NPAS2: variants seen among roughly 807,000 people sequenced by gnomAD.
The protein encoded by NPAS2 is neuronal PAS domain-containing protein 2.
NPAS2 carries 23 observed loss-of-function variants against 107.5 expected under a neutral mutation model. The ratio of observed to expected loss-of-function variants is 0.21; its 90% CI spans 0.15 to 0.30. The LOEUF is 0.30. NPAS2 is among the 10% of genes least tolerant of loss of function. The pLI, the probability that NPAS2 is intolerant of heterozygous loss-of-function variation, is 1.00. For synonymous variants in NPAS2, 403 were observed against 417.5 expected (o/e 0.97, Z 0.42); for missense variants, 756 against 1,043.3 (o/e 0.72, Z 3.79).
rs556139624 is a variant in NPAS2, at chr2:100,863,809, A to G, written c.-22-40924A>G. ...TGAGCTCTAATGTATATATGTATAT[A>G]ATTTATATAGCCCTCCTTGCATTCC... is the stretch of plus-strand genomic sequence containing the variant. On this transcript the variant is annotated intron_variant, in intron 1 of 20. Transcript: ENST00000335681. Among the ~76,000 whole-genome samples the G allele has an allele frequency of 2.0e-5, 3 of 152,202 alleles. No homozygotes were observed. The South Asian group carries it at 6.2e-4, about 32-fold the overall frequency.
chr2:100,829,483 A>G (rs1021297643), intron 1 of NPAS2, among the ~76,000 whole-genome samples: 2 of 152,174 alleles, frequency 1.3e-5, no homozygotes, highest in Non-Finnish European at 2.9e-5. Flanking sequence ...TAGAAATGCT[A>G]CTAATTTTTG....
At chr2:100,887,822 C>A (rs114806996) in intron 1 of NPAS2, among the ~76,000 whole-genome samples, 1 of 152,126 alleles carries the variant, frequency 6.6e-6, no homozygotes, top group Non-Finnish European at 1.5e-5. Context: ...GTGCCGGCAC[C>A]GCCCCTCTCC....
intron 3 of NPAS2, among the ~76,000 whole-genome samples, chr2:100,926,983 G>T (rs1243342242): frequency 2.3e-5 from 3 of 131,220 alleles, no homozygotes; most frequent in Admixed American, 1.8e-4. Flanking sequence ...CTGTCACCAA[G>T]ACTGGAGTGC....
At chr2:100,959,754 C>A (rs1376827063) in intron 7 of NPAS2, among the ~76,000 whole-genome samples, 1 of 152,180 alleles carries the variant, frequency 6.6e-6, no homozygotes, top group Admixed American at 6.5e-5. Flanking sequence ...GCCGAGAAAG[C>A]TATTTGTCAC....
At chr2:100,930,652 A>G (rs1683878767) in intron 3 of NPAS2, among the ~76,000 whole-genome samples, 1 of 152,122 alleles carries the variant, frequency 6.6e-6, no homozygotes, top group Non-Finnish European at 1.5e-5. Flanking sequence ...AATGAACCTT[A>G]ACTTCCAAGG....
chr2:100,821,166 C>G (rs1441181256), intron 1 of NPAS2: 9 of 1,304,690 alleles, frequency 6.9e-6, no homozygotes, highest in Non-Finnish European at 9.1e-6. Flanking sequence ...GAACCAGTCC[C>G]GCTCCTCTGC....
At chr2:100,835,418 G>C (rs965596871) in intron 1 of NPAS2, among the ~76,000 whole-genome samples, 14 of 152,182 alleles carry the variant, frequency 9.2e-5, no homozygotes, top group Non-Finnish European at 1.6e-4. Context: ...CTGTGCGGCG[G>C]CTGGGTGCAT....
At chr2:100,944,478 G>A (rs144630926) in intron 5 of NPAS2, among the ~76,000 whole-genome samples, 1 of 152,206 alleles carries the variant, frequency 6.6e-6, no homozygotes, top group East Asian at 1.9e-4. Context: ...CGTGGGACTC[G>A]GCTGTAAAGA....
intron 7 of NPAS2, among the ~76,000 whole-genome samples, chr2:100,959,441 T>C (rs1286298324): frequency 6.6e-6 from 1 of 152,162 alleles, no homozygotes; most frequent in Admixed American, 6.5e-5. Flanking sequence ...TGGGCAGGAT[T>C]ATCACGGTGC....
chr2:100,875,355 T>C (rs1408666357), intron 1 of NPAS2, among the ~76,000 whole-genome samples: 1 of 152,184 alleles, frequency 6.6e-6, no homozygotes, highest in African/African-American at 2.4e-5. Context: ...GCAAATGGAC[T>C]TAATGCCATT....
At position 100,925,245 on chromosome 2, in the gene NPAS2, C is replaced by T; in HGVS notation, c.132C>T (p.Asp44=). The change falls in exon 3 of 21, where the codon GAC becomes GAT. Residue 44 remains aspartate (D), a synonymous_variant. Coordinates refer to ENST00000335681, the MANE Select transcript of NPAS2 (RefSeq NM_002518.4). ...TCCCTGGCAACACGCGGAAAATGGA[C>T]AAAACCACCGTGTTGGAAAAGGTCA... ...SMLPGNTRKM[D]KTTVLEKVIG... 6.2e-7 allele frequency: 1 copy of T among 1,614,084 alleles called. No homozygotes were observed. The highest frequency in any genetic ancestry group is 8.5e-7 in the Non-Finnish European group (1 of 1,180,024).
chr2:100,886,473 C>T (rs1445142334), intron 1 of NPAS2, among the ~76,000 whole-genome samples: 3 of 152,062 alleles, frequency 2.0e-5, no homozygotes, highest in Non-Finnish European at 2.9e-5. Context: ...TTAAATATGC[C>T]TTTGGAGTTG....
chr2:100,946,703 G>T (rs1674918655), intron 5 of NPAS2, among the ~76,000 whole-genome samples: 1 of 152,190 alleles, frequency 6.6e-6, no homozygotes, highest in Non-Finnish European at 1.5e-5. Context: ...AATTGCACAG[G>T]CACTAAAGTG....
intron 1 of NPAS2, among the ~76,000 whole-genome samples, chr2:100,837,404 G>A (rs1187765833): frequency 4.6e-5 from 7 of 152,136 alleles, no homozygotes; most frequent in Non-Finnish European, 2.9e-5. Flanking sequence ...TGCCTTCTGG[G>A]TTCCAGCTAT....
Position 100,995,579 on chromosome 2 carries a change from A to T in NPAS2, c.2472A>T (p.Arg824=). 1 of 1,604,548 alleles carries T rather than the reference A, an allele frequency of 6.2e-7. No homozygotes were observed. Among genetic ancestry groups the T allele is most frequent in the South Asian group, 1.1e-5 (1 of 90,096 alleles). The change falls in exon 21 of 21, where the codon CGA becomes CGT. Residue 824 remains arginine, a synonymous_variant. Coordinates refer to ENST00000335681, the MANE Select transcript of NPAS2 (RefSeq NM_002518.4). ...CGTCAGGCCTCCAGCAGCCGCCCCG[A>T]TAATGCCCCGGCACTGAAGTCGGGA... ...SESSGLQQPP[R]
At chr2:100,990,978 A>G (rs1678085366) in intron 19 of NPAS2, 106 bp downstream of exon 19, 1 of 902,798 alleles carries the variant, frequency 1.1e-6, no homozygotes, top group South Asian at 1.4e-5. Flanking sequence ...GCCTTGCGCT[A>G]AAGGCAAGGT....
intron 1 of NPAS2, among the ~76,000 whole-genome samples, chr2:100,895,757 G>A (rs956426561): frequency 6.6e-6 from 1 of 152,202 alleles, no homozygotes; most frequent in Non-Finnish European, 1.5e-5. Flanking sequence ...GCCACAGGTA[G>A]TCCCTAGGGG....
At chr2:100,922,161 A>T (rs1386977931) in intron 2 of NPAS2, among the ~76,000 whole-genome samples, 1 of 152,176 alleles carries the variant, frequency 6.6e-6, no homozygotes, top group Non-Finnish European at 1.5e-5. Context: ...ACAAAGACAC[A>T]GGAGAAACCT....
In NPAS2 at chr2:100,940,401, G is replaced by A. The variant is rs976769654; in HGVS notation, c.363+2559G>A. On this transcript the variant is annotated intron_variant, in intron 5 of 20. Coordinates refer to ENST00000335681, the MANE Select transcript of NPAS2 (RefSeq NM_002518.4). ...ACTTAACTATTAAATATCACTCCTT[G>A]TGAGCCCAGGTCCTTTCCACAGATG... is the stretch of plus-strand genomic sequence containing the variant. Among the ~76,000 whole-genome samples, 33 of 152,216 alleles carry A rather than the reference G, an allele frequency of 2.2e-4. 1 individual carries two copies. The highest frequency in any genetic ancestry group is 4.7e-4 in the Non-Finnish European group (32 of 68,038).
Sources: allele counts gnomAD v4.1 joint callset (sites outside exome capture counted in the v4.1 genomes callset), GRCh38; gene constraint gnomAD v4.1.1; transcripts MANE v1.5; gene names NCBI Gene and HGNC (gene_info 2026-07-23, HGNC 2026-07-21).